The following TRPM3 variants were observed in gnomAD, a reference collection of about 807,000 sequenced individuals.
The protein encoded by TRPM3 is long transient receptor potential channel 3.
In TRPM3, 77 loss-of-function variants were observed where a neutral mutation model predicts 181.2. The ratio of observed to expected loss-of-function variants is 0.42; its 90% CI spans 0.35 to 0.51. The LOEUF (loss-of-function observed/expected upper bound fraction) is 0.51. TRPM3 is among the 20% of genes least tolerant of loss of function. The pLI is 0.01. For missense variants in TRPM3, 1,759 were observed against 2,196.7 expected (o/e 0.80, Z 3.98); for synonymous variants, 745 against 796.4 (o/e 0.94, Z 1.09).
At chr9:70,833,570 A>T (rs1436525254) in intron 5 of TRPM3, among the ~76,000 whole-genome samples, 2 of 152,122 alleles carry the variant, frequency 1.3e-5, no homozygotes, top group African/African-American at 2.4e-5. Flanking sequence ...GGGCTCAAAG[A>T]GGTGAGGTAT....
chr9:70,886,262 A>G (rs1400690667), intron 1 of TRPM3, among the ~76,000 whole-genome samples: 1 of 152,086 alleles, frequency 6.6e-6, no homozygotes, highest in East Asian at 1.9e-4. Context: ...TATAAATTAA[A>G]CCTCAAATCA....
rs568299521 is a variant in TRPM3, at chr9:71,034,068, A to G, written c.177+87110T>C. On this transcript the variant is annotated intron_variant, in intron 1 of 25. Coordinates refer to ENST00000677713, the MANE Select transcript of TRPM3 (RefSeq NM_001366145.2). The stretch of plus-strand genomic sequence containing the variant: ...TGGAGAGAATGTGCAAACTCCACAT[A>G]GACAGTGGCCCCAGCTGGGAATCAG... Among the ~76,000 whole-genome samples, 5 of 152,338 alleles carry G rather than the reference A, an allele frequency of 3.3e-5. No homozygotes were observed. The South Asian group carries it at 1.0e-3, about 32-fold the overall frequency.
In TRPM3 at chr9:70,851,154, C is replaced by T. The variant is rs62545307; in HGVS notation, c.463-4563G>A. Among the ~76,000 whole-genome samples, 571 of 152,160 alleles carry T rather than the reference C, an allele frequency of 3.8e-3. 3 individuals are homozygous for T. The highest frequency in any genetic ancestry group is 0.017 in the Middle Eastern group (5 of 294). On this transcript the variant is annotated intron_variant, in intron 3 of 25. Transcript: ENST00000677713. ...CTGGGCAACAAGAGGGAGACTCTGT[C>T]TCCAAAAAACAGAAAAGAAAATCCC...
intron 1 of TRPM3, among the ~76,000 whole-genome samples, chr9:71,435,258 ACTAT>A (rs1206638515): frequency 1.3e-5 from 2 of 152,216 alleles, no homozygotes; most frequent in Non-Finnish European, 2.9e-5. Context: ...ATGTATAATT[ACTAT>A]CTAATAGTCT....
chr9:70,784,038 A>G, intron 7 of TRPM3, 67 bp downstream of exon 7: 1 of 1,536,676 alleles, frequency 6.5e-7, no homozygotes, highest in Non-Finnish European at 8.8e-7. Context: ...TGAAAACATA[A>G]TCCACTCATA....
intron 1 of TRPM3, among the ~76,000 whole-genome samples, chr9:70,880,126 C>A (rs1490961918): frequency 1.3e-5 from 2 of 152,096 alleles, no homozygotes; most frequent in Non-Finnish European, 2.9e-5. Context: ...ATGTCTGTGC[C>A]TTCCAATTAA....
intron 1 of TRPM3, among the ~76,000 whole-genome samples, chr9:71,199,333 T>C (rs2078620960): frequency 6.6e-6 from 1 of 152,198 alleles, no homozygotes; most frequent in African/African-American, 2.4e-5. Context: ...TCTAAAATTC[T>C]CTTTTTTTGT....
At chr9:71,030,965 T>G (rs1439733486) in intron 1 of TRPM3, among the ~76,000 whole-genome samples, 1 of 152,216 alleles carries the variant, frequency 6.6e-6, no homozygotes, top group African/African-American at 2.4e-5. Flanking sequence ...GTTGAAATGT[T>G]GAACTTATGG....
intron 8 of TRPM3, among the ~76,000 whole-genome samples, chr9:70,743,758 C>A (rs547537245): frequency 6.6e-6 from 1 of 151,912 alleles, no homozygotes; most frequent in Non-Finnish European, 1.5e-5. Flanking sequence ...CTAGGAAGAC[C>A]TTCCTAGAGT....
chr9:70,958,898 G>T (rs964942911), intron 1 of TRPM3, among the ~76,000 whole-genome samples: 4 of 151,014 alleles, frequency 2.6e-5, no homozygotes, highest in Admixed American at 1.3e-4. Context: ...GTAAACTATC[G>T]CAAGGACAAA....
At chr9:70,823,403 C>T (rs1431107294) in intron 6 of TRPM3, among the ~76,000 whole-genome samples, 2 of 152,098 alleles carry the variant, frequency 1.3e-5, no homozygotes, top group Non-Finnish European at 2.9e-5. Flanking sequence ...ACCAAGCTTT[C>T]CCCCGCTCCT....
chr9:70,893,857 G>C (rs191188315), intron 1 of TRPM3, among the ~76,000 whole-genome samples: 1 of 152,206 alleles, frequency 6.6e-6, no homozygotes, highest in East Asian at 1.9e-4. Context: ...AGACACAAAA[G>C]AAGTCTTATG....
intron 1 of TRPM3, 24 bp from the exon 2 acceptor site, chr9:70,864,535 A>AAAAAAAAAAG: frequency 6.8e-7 from 1 of 1,465,400 alleles, no homozygotes; most frequent in African/African-American, 1.5e-5. Context: ...CAAAAAAAAA[A>AAAAAAAAAAG]AAAAAAGAAA....
At chr9:70,633,478 A>G (rs889508578) in intron 12 of TRPM3, among the ~76,000 whole-genome samples, 4 of 152,222 alleles carry the variant, frequency 2.6e-5, no homozygotes, top group African/African-American at 7.2e-5. Context: ...TACAGATTGC[A>G]TAGTGTTTTC....
chr9:70,768,667 TC>T, intron 7 of TRPM3, among the ~76,000 whole-genome samples: 1 of 152,060 alleles, frequency 6.6e-6, no homozygotes, highest in Middle Eastern at 3.2e-3. Flanking sequence ...ACATCGATAA[TC>T]CCAGTGCTTT....
chr9:71,024,661 G>C (rs376246151), intron 1 of TRPM3, among the ~76,000 whole-genome samples: 156 of 152,294 alleles, frequency 1.0e-3, no homozygotes, highest in African/African-American at 2.8e-3. Context: ...GAATCACCTA[G>C]GGTTTTGTTA....
chr9:70,774,376 C>G (rs1431368261), intron 7 of TRPM3: 1 of 152,098 alleles, frequency 6.6e-6, no homozygotes, highest in Non-Finnish European at 1.5e-5. Flanking sequence ...TTTCTTTTCT[C>G]TAGCTTACTT....
intron 12 of TRPM3, among the ~76,000 whole-genome samples, chr9:70,627,538 G>T (rs772116988): frequency 7.2e-5 from 11 of 152,092 alleles, no homozygotes; most frequent in Non-Finnish European, 1.3e-4. Flanking sequence ...CTCCCAAAGT[G>T]CTGGGATTAC....
At chr9:70,762,873 T>A (rs1219180765) in intron 7 of TRPM3, among the ~76,000 whole-genome samples, 1 of 152,194 alleles carries the variant, frequency 6.6e-6, no homozygotes, top group African/African-American at 2.4e-5. Context: ...TTGCCTCTGT[T>A]TACACCAAGT....
Sources: allele counts gnomAD v4.1 joint callset (sites outside exome capture counted in the v4.1 genomes callset), GRCh38; gene constraint gnomAD v4.1.1; transcripts MANE v1.5; gene names NCBI Gene and HGNC (gene_info 2026-07-23, HGNC 2026-07-21).